The following ADORA2B variants were observed in gnomAD, a reference collection of about 807,000 sequenced individuals.
ADORA2B encodes the protein adenosine receptor A2b.
ADORA2B carries 18 observed loss-of-function variants against 20.8 expected under a neutral mutation model. The ratio of observed to expected loss-of-function variants is 0.87; its 90% CI spans 0.60 to 1.29. The LOEUF (loss-of-function observed/expected upper bound fraction) is 1.29, where lower values mean the gene tolerates loss of function less well. Among genes scored for constraint, ADORA2B ranks in the 50% most tolerant of loss-of-function variants. The pLI is 0.00. For synonymous variants in ADORA2B, 179 were observed against 178.3 expected, an observed-to-expected ratio of 1.00 and a Z score of -0.03; for missense variants, 441 against 422.7, an observed-to-expected ratio of 1.04 and a Z score of -0.38.
At chr17:15,916,535 A>C in the ADORA2B span, among the ~76,000 whole-genome samples, 2 of 152,094 alleles carry the variant, frequency 1.3e-5, no homozygotes, top group African/African-American at 2.4e-5. Context: ...GGGGGGGTAC[A>C]TGACTGGGGT....
the ADORA2B span, among the ~76,000 whole-genome samples, chr17:15,936,671 A>G: frequency 6.6e-6 from 1 of 152,198 alleles, no homozygotes; most frequent in African/African-American, 2.4e-5. Flanking sequence ...ATCTTTGTCT[A>G]GGCCTCAGGC....
chr17:15,972,253 G>T (rs1001887118), intron 1 of ADORA2B, among the ~76,000 whole-genome samples: 1 of 152,154 alleles, frequency 6.6e-6, no homozygotes, highest in African/African-American at 2.4e-5. Context: ...AGCCGAGGCT[G>T]GGGGGTTCTG....
Position 15,948,150 on chromosome 17 carries a change from C to T in ADORA2B, c.335+2567C>T, listed in dbSNP as rs1597845301. 2.0e-5 allele frequency among the ~76,000 whole-genome samples: 3 copies of T among 151,750 alleles called. No individual in the cohort carries two copies. In the East Asian group the frequency reaches 5.9e-4, roughly 30 times the overall value. ...TCCTGGGACCTACCCCCAGTTCCTC[C>T]CGGTTCGAGGGCTCCAAGTGTGAGG... On this transcript the variant is annotated intron_variant, in intron 1 of 1. Transcript: ENST00000304222.
intron 1 of ADORA2B, among the ~76,000 whole-genome samples, chr17:15,949,282 G>A (rs1969861708): frequency 6.6e-6 from 1 of 152,050 alleles, no homozygotes; most frequent in Non-Finnish European, 1.5e-5. Context: ...GGAGGCCAAG[G>A]CGAATAGATC....
intron 1 of ADORA2B, among the ~76,000 whole-genome samples, chr17:15,949,504 CTG>C (rs1969866893): frequency 6.6e-6 from 1 of 151,988 alleles, no homozygotes; most frequent in South Asian, 2.1e-4. Context: ...CAGAGTGAGA[CTG>C]TGTCTCACAC....
At chr17:15,952,017 C>T (rs998998691) in intron 1 of ADORA2B, among the ~76,000 whole-genome samples, 1 of 152,216 alleles carries the variant, frequency 6.6e-6, no homozygotes, top group African/African-American at 2.4e-5. Context: ...GGAAACACCG[C>T]CTGGCCTCAT....
At chr17:15,927,211 C>T in the ADORA2B span, among the ~76,000 whole-genome samples, 4 of 151,872 alleles carry the variant, frequency 2.6e-5, no homozygotes, top group African/African-American at 4.8e-5. Context: ...AGGCTGGGTG[C>T]GGTGGCTCAC....
chr17:15,921,866 A>T, the ADORA2B span, among the ~76,000 whole-genome samples: 2 of 152,194 alleles, frequency 1.3e-5, no homozygotes, highest in African/African-American at 4.8e-5. Context: ...AGTCATCACA[A>T]CTATATCCCA....
At chr17:15,937,569 C>T in the ADORA2B span, among the ~76,000 whole-genome samples, 151,927 of 152,158 alleles carry the variant, frequency 1, 75,853 homozygotes, top group Middle Eastern at 1. Flanking sequence ...TTTCTTTTTT[C>T]CTTTTCTTTT....
the ADORA2B span, among the ~76,000 whole-genome samples, chr17:15,940,095 T>C: frequency 6.6e-6 from 1 of 152,178 alleles, no homozygotes; most frequent in African/African-American, 2.4e-5. Context: ...GTAACAGTAT[T>C]AAGTGCTCAC....
the ADORA2B span, among the ~76,000 whole-genome samples, chr17:15,901,743 T>C: frequency 6.6e-6 from 1 of 152,138 alleles, no homozygotes; most frequent in Non-Finnish European, 1.5e-5. Flanking sequence ...AAACACAATT[T>C]ATTCATGGTA....
At chr17:15,896,120 GC>G in the ADORA2B span, among the ~76,000 whole-genome samples, 1 of 152,188 alleles carries the variant, frequency 6.6e-6, no homozygotes. Flanking sequence ...TAATATCTAT[GC>G]TGCATAGAGA....
chr17:15,937,139 A>AT, the ADORA2B span, among the ~76,000 whole-genome samples: 12 of 152,328 alleles, frequency 7.9e-5, no homozygotes, highest in Admixed American at 2.0e-4. Flanking sequence ...AACATTTAAA[A>AT]TAATACAATG....
the ADORA2B span, among the ~76,000 whole-genome samples, chr17:15,877,604 C>T: frequency 1.2e-4 from 18 of 152,110 alleles, no homozygotes; most frequent in African/African-American, 4.3e-4. Flanking sequence ...TATCTCAGCC[C>T]TCACCTTGTA....
chr17:15,928,314 A>G, the ADORA2B span, among the ~76,000 whole-genome samples: 1 of 151,388 alleles, frequency 6.6e-6, no homozygotes, highest in African/African-American at 2.4e-5. Flanking sequence ...GATCATCGGA[A>G]AGGGATGTGG....
the ADORA2B span, among the ~76,000 whole-genome samples, chr17:15,909,597 A>C: frequency 6.6e-6 from 1 of 151,890 alleles, no homozygotes; most frequent in Non-Finnish European, 1.5e-5. Flanking sequence ...GTTCTTTAAC[A>C]CTCCCATTCA....
intron 1 of ADORA2B, among the ~76,000 whole-genome samples, chr17:15,955,600 G>T (rs1367255280): frequency 1.3e-5 from 2 of 151,722 alleles, no homozygotes; most frequent in Admixed American, 1.3e-4. Flanking sequence ...TAGAGACGGG[G>T]TTTCACCATG....
chr17:15,873,741 CAAT>C, the ADORA2B span, among the ~76,000 whole-genome samples: 3 of 152,126 alleles, frequency 2.0e-5, no homozygotes, highest in Non-Finnish European at 4.4e-5. Context: ...AGTCAAGAAA[CAAT>C]AAATGTTGGC....
the ADORA2B span, among the ~76,000 whole-genome samples, chr17:15,913,152 G>C: frequency 6.6e-6 from 1 of 152,150 alleles, no homozygotes; most frequent in South Asian, 2.1e-4. Flanking sequence ...TGTGTCCCTT[G>C]GCCCACAGCT....
Sources: allele counts gnomAD v4.1 joint callset (sites outside exome capture counted in the v4.1 genomes callset), GRCh38; gene constraint gnomAD v4.1.1; transcripts MANE v1.5; gene names NCBI Gene and HGNC (gene_info 2026-07-23, HGNC 2026-07-21).